PAQR5: variants seen among roughly 807,000 people sequenced by gnomAD.
The protein encoded by PAQR5 is membrane progestin receptor gamma.
Under a neutral mutation model 34.5 loss-of-function variants are expected in PAQR5, and 20 were observed. The ratio of observed to expected loss-of-function variants is 0.58; its 90% confidence interval spans 0.41 to 0.84. The LOEUF (loss-of-function observed/expected upper bound fraction) is 0.84, where lower values mean the gene tolerates loss of function less well. PAQR5 is among the 40% of genes least tolerant of loss of function. The pLI is 0.00. For synonymous variants in PAQR5, 131 were observed against 155.6 expected, an observed-to-expected ratio of 0.84 and a Z score of 1.18; for missense variants, 378 against 412.7, an observed-to-expected ratio of 0.92 and a Z score of 0.73.
chr15:69,339,657 C>T (rs12595397), intron 2 of PAQR5, among the ~76,000 whole-genome samples: 102,398 of 151,926 alleles, frequency 0.67, 35,943 homozygotes, highest in South Asian at 0.83. Context: ...TTTTTTATTA[C>T]AGACAGGGTT....
intron 1 of PAQR5, among the ~76,000 whole-genome samples, chr15:69,331,230 A>T (rs1411611903): frequency 1.3e-5 from 2 of 151,840 alleles, no homozygotes; most frequent in Non-Finnish European, 2.9e-5. Context: ...CTGTAGCCCT[A>T]TGGTGTGGTG....
chr15:69,300,437 G>A (rs1033175784), intron 1 of PAQR5, among the ~76,000 whole-genome samples: 2 of 152,044 alleles, frequency 1.3e-5, no homozygotes, highest in Admixed American at 6.6e-5. Context: ...AAGCAGAAAG[G>A]GCACTCTGAA....
At chr15:69,333,764 C>T (rs570201117) in intron 1 of PAQR5, among the ~76,000 whole-genome samples, 20 of 152,222 alleles carry the variant, frequency 1.3e-4, no homozygotes, top group South Asian at 4.1e-4. Flanking sequence ...CATGCTTTCC[C>T]GGCCCTGCTC....
rs556885474 is a variant in PAQR5, at chr15:69,365,025, C to T, written c.51+4894C>T. 8.3e-4 allele frequency among the ~76,000 whole-genome samples: 125 copies of T among 151,452 alleles called. 1 individual carries two copies. The highest frequency in any genetic ancestry group is 2.7e-3 in the African/African-American group (110 of 41,290). On this transcript the variant is annotated intron_variant, in intron 3 of 8. Coordinates refer to ENST00000395407, the MANE Select transcript of PAQR5 (RefSeq NM_017705.4). ...TGCTGGGATTACAGGCGTGAGCCAC[C>T]GCATCTGGCCTTCCCTTATGAATTT...
chr15:69,371,562 A>G (rs1391414146), intron 3 of PAQR5, among the ~76,000 whole-genome samples: 1 of 152,182 alleles, frequency 6.6e-6, no homozygotes, highest in African/African-American at 2.4e-5. Context: ...AGTCAAAATT[A>G]CACCTCAGTC....
chr15:69,398,123 C>T (rs551839335), intron 7 of PAQR5, among the ~76,000 whole-genome samples: 11 of 152,214 alleles, frequency 7.2e-5, no homozygotes, highest in Admixed American at 4.6e-4. Context: ...GAGGATTACA[C>T]GGGGAACATG....
intron 1 of PAQR5, among the ~76,000 whole-genome samples, chr15:69,315,424 G>A (rs182121232): frequency 5.6e-4 from 85 of 152,264 alleles, no homozygotes; most frequent in African/African-American, 1.9e-3. Context: ...ATGTCTTCGC[G>A]TTTTCCAGCA....
At chr15:69,338,993 T>A (rs899592118) in intron 2 of PAQR5, among the ~76,000 whole-genome samples, 9 of 152,130 alleles carry the variant, frequency 5.9e-5, no homozygotes, top group Non-Finnish European at 1.2e-4. Flanking sequence ...CTGAGATCAG[T>A]GCTTGGGATA....
At chr15:69,309,778 G>A (rs896443681) in intron 1 of PAQR5, among the ~76,000 whole-genome samples, 3 of 152,114 alleles carry the variant, frequency 2.0e-5, no homozygotes, top group East Asian at 1.9e-4. Flanking sequence ...GGCCAGGTGC[G>A]GTGGTTCATG....
At chr15:69,352,871 T>G (rs2054959542) in intron 2 of PAQR5, among the ~76,000 whole-genome samples, 1 of 152,144 alleles carries the variant, frequency 6.6e-6, no homozygotes, top group South Asian at 2.1e-4. Flanking sequence ...GGAAGAGGTA[T>G]GTGGATGGAC....
chr15:69,322,741 A>G (rs1385439911), intron 1 of PAQR5, among the ~76,000 whole-genome samples: 81 of 37,156 alleles, frequency 2.2e-3, no homozygotes, highest in African/African-American at 3.4e-3. Context: ...GAAGAAGAAG[A>G]AGAAGAAGAA....
At chr15:69,354,552 TG>T (rs1386802986) in intron 2 of PAQR5, among the ~76,000 whole-genome samples, 1 of 152,192 alleles carries the variant, frequency 6.6e-6, no homozygotes, top group Non-Finnish European at 1.5e-5. Context: ...GCAGGATAAT[TG>T]TATCATGTTT....
chr15:69,334,007 T>C (rs753699452), intron 1 of PAQR5, among the ~76,000 whole-genome samples: 1 of 152,176 alleles, frequency 6.6e-6, no homozygotes, highest in Non-Finnish European at 1.5e-5. Flanking sequence ...ATGACTTTAG[T>C]AGTCTTTTGG....
chr15:69,324,129 C>CAAAAAAAA (rs55634756), intron 1 of PAQR5, among the ~76,000 whole-genome samples: 9 of 135,388 alleles, frequency 6.6e-5, no homozygotes, highest in Admixed American at 7.4e-5. Flanking sequence ...ATAGCTAGGG[C>CAAAAAAAA]AAAAAAAAAA....
At chr15:69,345,331 A>T (rs926649312) in intron 2 of PAQR5, among the ~76,000 whole-genome samples, 4 of 152,316 alleles carry the variant, frequency 2.6e-5, no homozygotes, top group Middle Eastern at 3.4e-3. Context: ...GGACTCTCTC[A>T]TTGGGAAAAT....
At position 69,403,717 on chromosome 15, in the gene PAQR5, T is replaced by C; in HGVS notation, c.888T>C (p.Ala296=). The part of the protein sequence containing the change: ...TSKPFSFSQI[A]GAILLCIIFS... ...AGCCCTTCTCTTTCTCTCAGATAGC[T>C]GGAGCCATACTTCTGTGCATCATCT... The change falls in exon 9 of 9, where the codon GCT becomes GCC. Residue 296 remains alanine, a synonymous_variant. Transcript: ENST00000395407. 1 of 1,614,212 alleles carries C rather than the reference T, an allele frequency of 6.2e-7. No individual in the cohort carries two copies. Among genetic ancestry groups the C allele is most frequent in the South Asian group, 1.1e-5 (1 of 91,090 alleles).
At chr15:69,353,937 T>C (rs2054991435) in intron 2 of PAQR5, among the ~76,000 whole-genome samples, 1 of 152,074 alleles carries the variant, frequency 6.6e-6, no homozygotes, top group African/African-American at 2.4e-5. Flanking sequence ...AAGGGAGTGA[T>C]GGTTTGGGCT....
intron 1 of PAQR5, among the ~76,000 whole-genome samples, chr15:69,321,044 G>A (rs186262152): frequency 7.9e-5 from 12 of 152,130 alleles, no homozygotes; most frequent in Middle Eastern, 3.4e-3. Context: ...AAGCATTTCC[G>A]ATTTGCCTTT....
At chr15:69,304,752 C>T (rs189683723) in intron 1 of PAQR5, among the ~76,000 whole-genome samples, 2 of 152,294 alleles carry the variant, frequency 1.3e-5, no homozygotes, top group East Asian at 3.9e-4. Context: ...GACAGTCTTC[C>T]TCTGATTATC....
Sources: allele counts gnomAD v4.1 joint callset (sites outside exome capture counted in the v4.1 genomes callset), GRCh38; gene constraint gnomAD v4.1.1; transcripts MANE v1.5; gene names NCBI Gene and HGNC (gene_info 2026-07-23, HGNC 2026-07-21).